The following TAOK3 variants were observed in gnomAD, a reference collection of about 807,000 sequenced individuals.
TAOK3 encodes the protein TAO kinase 3.
In TAOK3, 40 loss-of-function variants were observed where a neutral mutation model predicts 120.4. The ratio of observed to expected loss-of-function variants is 0.33; its 90% CI spans 0.26 to 0.43. The LOEUF (loss-of-function observed/expected upper bound fraction) is 0.43. Among genes scored for constraint, TAOK3 ranks in the 20% least tolerant of loss-of-function variants. TAOK3 has a pLI of 1.00. For synonymous variants in TAOK3, 355 were observed against 387.5 expected, an observed-to-expected ratio of 0.92 and a Z score of 0.99; for missense variants, 821 against 1,112.1, an observed-to-expected ratio of 0.74 and a Z score of 3.72.
intron 1 of TAOK3, among the ~76,000 whole-genome samples, chr12:118,355,005 T>C (rs1378674355): frequency 6.6e-6 from 1 of 152,038 alleles, no homozygotes; most frequent in East Asian, 1.9e-4. Flanking sequence ...GCTGAGGCTG[T>C]GGTGAGCTAT....
chr12:118,365,815 C>A (rs1456273738), intron 1 of TAOK3, among the ~76,000 whole-genome samples: 2 of 152,126 alleles, frequency 1.3e-5, no homozygotes, highest in Non-Finnish European at 2.9e-5. Context: ...AGAATTTTGC[C>A]AAGAGATGAT....
chr12:118,242,112 G>A (rs7970481), intron 5 of TAOK3, among the ~76,000 whole-genome samples: 18,094 of 150,592 alleles, frequency 0.12, 1,175 homozygotes, highest in Middle Eastern at 0.16. Flanking sequence ...AGAGAAAAAC[G>A]AGCTTCAAGT....
chr12:118,216,898 C>T (rs2038930780), intron 9 of TAOK3, among the ~76,000 whole-genome samples: 1 of 144,752 alleles, frequency 6.9e-6, no homozygotes, highest in African/African-American at 2.6e-5. Flanking sequence ...CACTGCACTC[C>T]AGCCTGGGCG....
rs61039125 is a variant in TAOK3 at position 118,294,015 on chromosome 12, C to CA, written c.-193-27257dup. ...AGGCAACAAGAGGGAAACTCCATTT[C>CA]AAAAAAAAAAAAGAAGAAGGCTGTT... is the stretch of plus-strand genomic sequence containing the variant. On this transcript the variant is annotated intron_variant, in intron 1 of 20. Transcript: ENST00000392533. 7.7e-3 allele frequency among the ~76,000 whole-genome samples: 1,047 copies of CA among 135,702 alleles called. 7 individuals are homozygous for CA. Among genetic ancestry groups the CA allele is most frequent in the African/African-American group, 0.026 (959 of 37,008 alleles). The allele number at this position is 135,702 out of a possible 152,430, so 89.0% of individuals were successfully genotyped here.
At position 118,181,421 on chromosome 12, in the gene TAOK3, T is replaced by C. The variant is rs1370250497; in HGVS notation, c.1516A>G (p.Ile506Val). The change falls in exon 15 of 21, where the codon ATC (isoleucine) becomes GTC (valine). Residue 506 changes from isoleucine to valine, a missense_variant. Transcript: ENST00000392533. ...TTCTTGGCCAGCTTCTCCAGCTCGA[T>C]GGACGAGTTGTTGGCATGCGTCTCC... ...EVETHANNSSIELEKLAKKQV... is the reference protein window; with the variant it reads ...EVETHANNSSVELEKLAKKQV... The C allele has an allele frequency of 2.5e-6, 4 of 1,614,066 alleles. No individual in the cohort carries two copies. In the African/African-American group the frequency reaches 4.0e-5, roughly 16 times the overall value.
Position 118,246,529 on chromosome 12 carries a change from C to T in TAOK3, c.121-1564G>A, listed in dbSNP as rs200577547. Reference sequence around the variant, plus strand: ...GTTAAGTGCTCCAAGGAGGTGGCCACCGCCATCCGTGGGGCCATCATCCTG... The same window carrying T: ...GTTAAGTGCTCCAAGGAGGTGGCCATCGCCATCCGTGGGGCCATCATCCTG... On this transcript the variant is annotated intron_variant, in intron 3 of 20. Transcript: ENST00000392533. The T allele has an allele frequency of 2.1e-3, 3,185 of 1,550,380 alleles. 6 individuals carry two copies. Among genetic ancestry groups the T allele is most frequent in the Middle Eastern group, 2.7e-3 (14 of 5,240 alleles).
At chr12:118,253,465 G>A (rs751708961) in intron 3 of TAOK3, among the ~76,000 whole-genome samples, 29 of 152,172 alleles carry the variant, frequency 1.9e-4, no homozygotes, top group Non-Finnish European at 7.4e-5. Flanking sequence ...GGCCTGGCAC[G>A]GTGGCTCACG....
chr12:118,191,437 T>C (rs2037425850), intron 13 of TAOK3, among the ~76,000 whole-genome samples: 1 of 152,232 alleles, frequency 6.6e-6, no homozygotes, highest in Non-Finnish European at 1.5e-5. Flanking sequence ...CAGCCACATA[T>C]GACTATTTTA....
Position 118,291,945 on chromosome 12 carries a change from CTG to C in TAOK3, c.-193-25188_-193-25187del, listed in dbSNP as rs1447133779. Among the ~76,000 whole-genome samples the C allele has an allele frequency of 2.0e-5, 3 of 152,264 alleles. No individual in the cohort carries two copies. The East Asian group carries it at 5.8e-4, about 29-fold the overall frequency. On this transcript the variant is annotated intron_variant, in intron 1 of 20. Transcript: ENST00000392533. Reference sequence around the variant, plus strand: ...TCTCCTGCCTCAGCCTCCCCAGTAGCTGGGACTACAGGTGCGTGCCAACACAC... The same window carrying C: ...TCTCCTGCCTCAGCCTCCCCAGTAGCGGACTACAGGTGCGTGCCAACACAC...
At chr12:118,269,257 G>C (rs955685867) in intron 1 of TAOK3, among the ~76,000 whole-genome samples, 2 of 151,518 alleles carry the variant, frequency 1.3e-5, no homozygotes, top group African/African-American at 4.8e-5. Flanking sequence ...CACCTCCCAG[G>C]TTCAAACGAT....
intron 1 of TAOK3, among the ~76,000 whole-genome samples, chr12:118,286,516 C>T (rs555535844): frequency 3.0e-4 from 46 of 151,470 alleles, no homozygotes; most frequent in East Asian, 2.7e-3. Flanking sequence ...ATCAAAACCA[C>T]GACACGATTA....
At chr12:118,216,684 T>G (rs967398737) in intron 9 of TAOK3, among the ~76,000 whole-genome samples, 3 of 151,864 alleles carry the variant, frequency 2.0e-5, no homozygotes, top group Non-Finnish European at 2.9e-5. Flanking sequence ...ATTCCAGCAC[T>G]TTGGGAGGCT....
At chr12:118,351,769 C>T (rs1396296672) in intron 1 of TAOK3, among the ~76,000 whole-genome samples, 23 of 151,322 alleles carry the variant, frequency 1.5e-4, no homozygotes, top group Admixed American at 1.5e-3. Flanking sequence ...CCTTGTAACA[C>T]AGCAGGCACT....
At chr12:118,361,605 G>A (rs978653031) in intron 1 of TAOK3, among the ~76,000 whole-genome samples, 3 of 151,786 alleles carry the variant, frequency 2.0e-5, no homozygotes, top group Non-Finnish European at 4.4e-5. Flanking sequence ...TTACAGGCAT[G>A]CACCACCACA....
Position 118,170,739 on chromosome 12 carries a change from G to A in TAOK3, c.1899+1718C>T, listed in dbSNP as rs936193868. Among the ~76,000 whole-genome samples the A allele has an allele frequency of 2.6e-5, 4 of 152,074 alleles. No individual in the cohort carries two copies. The East Asian group carries it at 5.8e-4, about 22-fold the overall frequency. On this transcript the variant is annotated intron_variant, in intron 17 of 20. Transcript: ENST00000392533. Reference sequence around the variant, plus strand: ...GGTTGCGCCACTGTACTCCAGCCTGGGCAACAGAGCGAGACTCTGTCTCCA... The same window carrying A: ...GGTTGCGCCACTGTACTCCAGCCTGAGCAACAGAGCGAGACTCTGTCTCCA...
At chr12:118,233,926 T>C (rs1237637115) in intron 8 of TAOK3, among the ~76,000 whole-genome samples, 161 bp from the exon 9 acceptor site, 1 of 152,196 alleles carries the variant, frequency 6.6e-6, no homozygotes, top group Admixed American at 6.5e-5. Flanking sequence ...CTATTCAAAA[T>C]ATAATCTACT....
chr12:118,198,678 C>T (rs757864105), intron 13 of TAOK3: 14 of 258,418 alleles, frequency 5.4e-5, no homozygotes, highest in South Asian at 1.8e-4. Flanking sequence ...TGAGCCACCA[C>T]GCCCAGCCAA....
At chr12:118,154,992 AATATATATAT>A (rs200434247) in intron 19 of TAOK3, among the ~76,000 whole-genome samples, 1 of 146,738 alleles carries the variant, frequency 6.8e-6, no homozygotes, top group Non-Finnish European at 1.5e-5. Flanking sequence ...TGGTTTTGTA[AATATATATAT>A]ATATTTTTTT....
intron 3 of TAOK3, chr12:118,246,811 C>T (rs1027463781): frequency 3.1e-5 from 41 of 1,339,054 alleles, no homozygotes; most frequent in Non-Finnish European, 4.0e-5. Context: ...ACCTTTGATG[C>T]CATTTCTAAG....
Sources: gnomAD v4.1 joint callset for allele counts (sites outside exome capture counted in the v4.1 genomes callset) on GRCh38, gnomAD v4.1.1 for gene constraint, MANE v1.5 for transcripts, NCBI Gene and HGNC (gene_info 2026-07-23, HGNC 2026-07-21) for gene names.